Variants in PTPN11 observed in about 807,000 individuals in gnomAD.
PTPN11 encodes the protein tyrosine-protein phosphatase non-receptor type 11.
Under a neutral mutation model 78.8 loss-of-function variants are expected in PTPN11, and 6 were observed. The ratio of observed to expected loss-of-function variants is 0.08; its 90% CI spans 0.04 to 0.15. PTPN11 has a LOEUF of 0.15. PTPN11 is among the 10% of genes least tolerant of loss of function. PTPN11 has a pLI of 1.00. For synonymous variants in PTPN11, 221 were observed against 263.5 expected, an observed-to-expected ratio of 0.84 and a Z score of 1.56; for missense variants, 386 against 744.8, an observed-to-expected ratio of 0.52 and a Z score of 5.61.
intron 6 of PTPN11, among the ~76,000 whole-genome samples, chr12:112,468,506 G>A (rs962725817): frequency 2.0e-5 from 3 of 152,170 alleles, no homozygotes; most frequent in Non-Finnish European, 4.4e-5. Context: ...AATGAAATAT[G>A]TTTAGGCAAC....
chr12:112,487,765 T>C (rs1020771543), intron 11 of PTPN11, among the ~76,000 whole-genome samples: 1 of 152,164 alleles, frequency 6.6e-6, no homozygotes. Context: ...AATTATTTAC[T>C]TCTTCTATTT....
intron 10 of PTPN11, among the ~76,000 whole-genome samples, chr12:112,485,474 A>G (rs926842318): frequency 6.6e-6 from 1 of 152,196 alleles, no homozygotes; most frequent in African/African-American, 2.4e-5. Flanking sequence ...GCAGAGGCTG[A>G]GTATTTCAGC....
chr12:112,437,408 G>A (rs1001460329), intron 1 of PTPN11, among the ~76,000 whole-genome samples: 3 of 152,070 alleles, frequency 2.0e-5, no homozygotes, highest in African/African-American at 4.8e-5. Context: ...TGATCCACCC[G>A]CCTTGGCCTC....
chr12:112,433,299 A>G lies in PTPN11; in HGVS notation c.15-12977A>G, dbSNP rs755933832. On this transcript the variant is annotated intron_variant, in intron 1 of 15. Transcript: ENST00000351677. Reference sequence around the variant, plus strand: ...ACAGTAGCATGCTGTACAGGTGTGTAGCCTAGGAGCAATAGGTTATACCAT... The same window carrying G: ...ACAGTAGCATGCTGTACAGGTGTGTGGCCTAGGAGCAATAGGTTATACCAT... Among the ~76,000 whole-genome samples the G allele has an allele frequency of 3.2e-4, 49 of 152,306 alleles. 1 individual carries two copies. Among genetic ancestry groups the G allele is most frequent in the Non-Finnish European group, 6.0e-4 (41 of 68,026 alleles).
At chr12:112,488,590 G>A in intron 12 of PTPN11, 80 bp downstream of exon 12, 2 of 1,405,866 alleles carry the variant, frequency 1.4e-6, no homozygotes, top group South Asian at 1.2e-5. Flanking sequence ...ACAGTCTGGG[G>A]AAGAGAGGTT....
intron 1 of PTPN11, among the ~76,000 whole-genome samples, chr12:112,445,664 TGAG>T (rs1566164540): frequency 9.5e-5 from 14 of 147,146 alleles, no homozygotes; most frequent in Non-Finnish European, 7.5e-5. Context: ...TTTCTGAGAT[TGAG>T]TTTCGCTCTT....
At chr12:112,461,475 G>A (rs2038247799) in intron 6 of PTPN11, among the ~76,000 whole-genome samples, 1 of 151,080 alleles carries the variant, frequency 6.6e-6, no homozygotes, top group Non-Finnish European at 1.5e-5. Context: ...ACAGGTGCAT[G>A]CCACCATGCC....
In PTPN11 at chr12:112,507,282, C is replaced by T. The variant is rs1352790175; in HGVS notation, c.*1490C>T. 2 of 152,772 alleles carry T rather than the reference C, an allele frequency of 1.3e-5. No homozygotes were observed. Among genetic ancestry groups the T allele is most frequent in the Admixed American group, 6.5e-5 (1 of 15,290 alleles). The allele number at this position is 152,772 out of a possible 1,614,324, so 9.5% of individuals were successfully genotyped here. A position where few individuals can be genotyped will look rare whatever the true frequency, so the allele number is the denominator to read the frequency against. On this transcript the variant is annotated 3_prime_UTR_variant, in exon 16 of 16. Transcript: ENST00000351677. The stretch of plus-strand genomic sequence containing the variant: ...CAAGAAGCTTCCTGAATGATTTCTG[C>T]TAGCCCTGAGCCTATTTTTGGAACC...
intron 11 of PTPN11, among the ~76,000 whole-genome samples, chr12:112,487,230 G>C (rs2038692114): frequency 6.6e-6 from 1 of 151,640 alleles, no homozygotes; most frequent in South Asian, 2.1e-4. Flanking sequence ...CGCCTCCCGG[G>C]TTCAGGCCAT....
intron 1 of PTPN11, among the ~76,000 whole-genome samples, chr12:112,426,405 C>T (rs981940946): frequency 3.8e-4 from 58 of 152,146 alleles, no homozygotes; most frequent in African/African-American, 1.3e-3. Context: ...TACAGGCATG[C>T]GCCACCACAC....
intron 12 of PTPN11, among the ~76,000 whole-genome samples, chr12:112,488,770 T>C (rs2038710506): frequency 1.3e-5 from 2 of 152,218 alleles, no homozygotes; most frequent in Non-Finnish European, 2.9e-5. Context: ...TCCAGCCACC[T>C]GACCTTGTTT....
chr12:112,422,522 A>G (rs1043005344), intron 1 of PTPN11, among the ~76,000 whole-genome samples: 1 of 152,162 alleles, frequency 6.6e-6, no homozygotes, highest in African/African-American at 2.4e-5. Flanking sequence ...CGCGACGATG[A>G]GCTGAGAGGG....
At chr12:112,442,150 T>C (rs1390615184) in intron 1 of PTPN11, among the ~76,000 whole-genome samples, 2 of 152,224 alleles carry the variant, frequency 1.3e-5, no homozygotes, top group Non-Finnish European at 2.9e-5. Flanking sequence ...TTTCATCATT[T>C]ATGGGTTTTA....
rs1057453357 is a variant in PTPN11, at chr12:112,440,654, A to G, written c.15-5622A>G. Among the ~76,000 whole-genome samples, 47 of 132,792 alleles carry G rather than the reference A, an allele frequency of 3.5e-4. 1 individual carries two copies. Among genetic ancestry groups the G allele is most frequent in the African/African-American group, 1.3e-3 (44 of 34,802 alleles). 87.1% of individuals were successfully genotyped at this position (132,792 alleles called of 152,430 possible). On this transcript the variant is annotated intron_variant, in intron 1 of 15. Coordinates refer to ENST00000351677, the MANE Select transcript of PTPN11 (RefSeq NM_002834.5). ...AGTGGCATGATCTCAGCTTATTGCA[A>G]CCTCCGCCTCCCGGGTTCAAGTGAT...
At chr12:112,421,120 C>G (rs1322292657) in intron 1 of PTPN11, among the ~76,000 whole-genome samples, 1 of 152,170 alleles carries the variant, frequency 6.6e-6, no homozygotes. Context: ...GTAATTCCTT[C>G]TCCCCTCCAG....
In PTPN11 at chr12:112,488,622, A is replaced by T. The variant is rs146145699; in HGVS notation, c.1447+112A>T. 3.0e-4 allele frequency: 341 copies of T among 1,137,558 alleles called. 2 individuals carry two copies. The African/African-American group carries it at 4.3e-3, about 14-fold the overall frequency. The allele number at this position is 1,137,558 out of a possible 1,614,324, so 70.5% of individuals were successfully genotyped here. A position where few individuals can be genotyped will look rare whatever the true frequency, so the allele number is the denominator to read the frequency against. ...GGTTGAATGGGAAAATTCTTTCACA[A>T]AAATCTGGGCTGAAGACTTCAGTGT... is the stretch of plus-strand genomic sequence containing the variant. On this transcript the variant is annotated intron_variant, in intron 12 of 15. Transcript: ENST00000351677.
At chr12:112,436,284 TAAC>T (rs1375358075) in intron 1 of PTPN11, among the ~76,000 whole-genome samples, 12 of 152,228 alleles carry the variant, frequency 7.9e-5, no homozygotes, top group East Asian at 1.9e-4. Flanking sequence ...TTCATTAAGG[TAAC>T]AACAAGCAAA....
intron 9 of PTPN11, among the ~76,000 whole-genome samples, chr12:112,480,321 G>A (rs2038576520): frequency 6.6e-6 from 1 of 151,878 alleles, no homozygotes; most frequent in Non-Finnish European, 1.5e-5. Context: ...AATACCGGAG[G>A]GAAAGCTGAA....
chr12:112,436,508 C>T (rs1485917862), intron 1 of PTPN11, among the ~76,000 whole-genome samples: 1 of 152,136 alleles, frequency 6.6e-6, no homozygotes, highest in Non-Finnish European at 1.5e-5. Flanking sequence ...GCTTCAATAA[C>T]CAAGAGATGC....
Sources: gnomAD v4.1 joint callset for allele counts (sites outside exome capture counted in the v4.1 genomes callset) on GRCh38, gnomAD v4.1.1 for gene constraint, MANE v1.5 for transcripts, NCBI Gene and HGNC (gene_info 2026-07-23, HGNC 2026-07-21) for gene names.